PKP4: variants seen among roughly 807,000 people sequenced by gnomAD.
PKP4 encodes the protein plakophilin 4.
A neutral mutation model predicts 145.1 loss-of-function variants in PKP4; 90 were observed. The observed-to-expected ratio is 0.62, with a 90% CI of 0.52 to 0.74. The LOEUF (loss-of-function observed/expected upper bound fraction) is 0.74, where lower values mean the gene tolerates loss of function less well. Among genes scored for constraint, PKP4 ranks in the 30% least tolerant of loss-of-function variants. The pLI is 0.00. For missense variants in PKP4, 1,340 were observed against 1,482.7 expected (o/e 0.90, Z 1.58); for synonymous variants, 563 against 577.2 (o/e 0.98, Z 0.35).
rs2047415120 is a variant in PKP4, at chr2:158,571,605, T to C, written c.133-5666T>C. Among the ~76,000 whole-genome samples the C allele has an allele frequency of 2.0e-5, 3 of 152,036 alleles. No homozygotes were observed. The South Asian group carries it at 6.2e-4, about 32-fold the overall frequency. On this transcript the variant is annotated intron_variant, in intron 2 of 21. Coordinates refer to ENST00000389759, the MANE Select transcript of PKP4 (RefSeq NM_003628.6). ...TCAATTAAAGCCTGGAAGTGGAGAG[T>C]ATTCTTAGTAACTCAGAGGTGGAGA...
intron 2 of PKP4, among the ~76,000 whole-genome samples, chr2:158,566,393 C>G (rs1293587026): frequency 1.3e-5 from 2 of 151,962 alleles, no homozygotes; most frequent in Non-Finnish European, 2.9e-5. Flanking sequence ...TTTATGCGGA[C>G]TATTATCATA....
intron 3 of PKP4, among the ~76,000 whole-genome samples, chr2:158,590,943 G>A (rs1166524959): frequency 1.3e-5 from 2 of 152,058 alleles, no homozygotes; most frequent in African/African-American, 4.8e-5. Flanking sequence ...CACCTGATAC[G>A]ATGCAATGAG....
At chr2:158,532,361 T>C (rs930951341) in intron 1 of PKP4, among the ~76,000 whole-genome samples, 3 of 152,258 alleles carry the variant, frequency 2.0e-5, no homozygotes, top group Non-Finnish European at 2.9e-5. Flanking sequence ...CCTTCATTCA[T>C]GTATTCATTT....
At chr2:158,494,949 T>C (rs1695467764) in intron 1 of PKP4, among the ~76,000 whole-genome samples, 1 of 152,084 alleles carries the variant, frequency 6.6e-6, no homozygotes, top group Non-Finnish European at 1.5e-5. Flanking sequence ...CCGGGCGCGG[T>C]GGCTCACATC....
chr2:158,585,299 T>G (rs2105803666), intron 3 of PKP4, among the ~76,000 whole-genome samples: 1 of 152,314 alleles, frequency 6.6e-6, no homozygotes, highest in East Asian at 1.9e-4. Flanking sequence ...TAAAATAGAA[T>G]TCTTTCTGAT....
rs200978598 is a variant in PKP4 at position 158,625,310 on chromosome 2, G to A, written c.1036G>A (p.Val346Ile). The change falls in exon 7 of 22, where the codon GTA becomes ATA. Residue 346 changes from valine (V) to isoleucine (I), a missense_variant. Transcript: ENST00000389759. Reference protein sequence around the residue: ...SSPKRSGMTAVPQHLGPSLQR... With the variant: ...SSPKRSGMTAIPQHLGPSLQR... ...CCCCAAACGCTCAGGGATGACCGCC[G>A]TACCACAGCATCTGGGACCTTCACT... 57 of 1,614,168 alleles carry A rather than the reference G, an allele frequency of 3.5e-5. No individual in the cohort carries two copies. The highest frequency in any genetic ancestry group is 1.6e-4 in the Middle Eastern group (1 of 6,062).
chr2:158,546,239 C>A (rs1053101910), intron 2 of PKP4, among the ~76,000 whole-genome samples: 2 of 152,078 alleles, frequency 1.3e-5, no homozygotes, highest in East Asian at 1.9e-4. Context: ...GCCATATGTT[C>A]TTTTCCCAAT....
chr2:158,549,126 C>A, intron 2 of PKP4: 1 of 202,202 alleles, frequency 4.9e-6, no homozygotes, highest in Admixed American at 4.5e-5. Flanking sequence ...TGAGATCCGC[C>A]ATCACTGGGG....
Position 158,625,245 on chromosome 2 carries a change from G to T in PKP4, c.971G>T (p.Arg324Leu), listed in dbSNP as rs148588008. 6 of 1,614,040 alleles carry T rather than the reference G, an allele frequency of 3.7e-6. No individual in the cohort carries two copies. The highest frequency in any genetic ancestry group is 1.7e-5 in the Admixed American group (1 of 60,010). ...CTGACCCTGACGGATGCACAGACTC[G>T]AGTAGCTTCCCCATCCCAAGGCCAG... ...SPLTLTDAQTRVASPSQGQVG... is the reference protein window; with the variant it reads ...SPLTLTDAQTLVASPSQGQVG... The change falls in exon 7 of 22, where the codon CGA becomes CTA. Residue 324 changes from arginine (R) to leucine (L), a missense_variant. Physicochemically the swap from Arg to Leu is moderately radical, Grantham distance 102. Transcript: ENST00000389759.
chr2:158,677,638 G>C (rs1008818405), intron 20 of PKP4, among the ~76,000 whole-genome samples: 1 of 152,124 alleles, frequency 6.6e-6, no homozygotes, highest in Non-Finnish European at 1.5e-5. Flanking sequence ...TACTCCTGCT[G>C]GGGGGGCAGT....
rs1199056373 is a variant in PKP4 at position 158,659,293 on chromosome 2, C to G, written c.2093+979C>G. ...CCTCCTAATTCAGATGCCCACATCT[C>G]AGGGTGGGTCTCATGGCCTAGCAAT... On this transcript the variant is annotated intron_variant, in intron 12 of 21. Coordinates refer to ENST00000389759, the MANE Select transcript of PKP4 (RefSeq NM_003628.6). The G allele has an allele frequency of 2.0e-5, 3 of 152,414 alleles. No homozygotes were observed. In the East Asian group the frequency reaches 5.8e-4, roughly 30 times the overall value. 9.4% of individuals were successfully genotyped at this position (152,414 alleles called of 1,614,324 possible). A position where few individuals can be genotyped will look rare whatever the true frequency, so the allele number is the denominator to read the frequency against.
chr2:158,624,674 CAAAA>C (rs999943180), intron 6 of PKP4, among the ~76,000 whole-genome samples, 200 bp from the exon 7 acceptor site: 2 of 81,222 alleles, frequency 2.5e-5, no homozygotes, highest in Non-Finnish European at 5.7e-5. Context: ...TTTAAACCAC[CAAAA>C]AAAAAAAAAA....
intron 2 of PKP4, among the ~76,000 whole-genome samples, chr2:158,574,902 A>G (rs75718756): frequency 0.028 from 4,237 of 152,336 alleles, 156 homozygotes; most frequent in East Asian, 0.13. Context: ...GTGTAGCTAC[A>G]TCATGCATGT....
At chr2:158,504,685 A>AC (rs1000123843) in intron 1 of PKP4, among the ~76,000 whole-genome samples, 1 of 149,018 alleles carries the variant, frequency 6.7e-6, no homozygotes. Context: ...TAAAAAAAAA[A>AC]CCAACTTTAT....
At chr2:158,584,392 G>A (rs191952201) in intron 3 of PKP4, among the ~76,000 whole-genome samples, 53 of 152,298 alleles carry the variant, frequency 3.5e-4, no homozygotes, top group Admixed American at 2.3e-3. Context: ...AATGGCAAGC[G>A]CATTCTAGTG....
At chr2:158,565,435 C>CTTTTTTTTTTTTTT (rs10690465) in intron 2 of PKP4, among the ~76,000 whole-genome samples, 5 of 135,764 alleles carry the variant, frequency 3.7e-5, no homozygotes, top group African/African-American at 5.5e-5. Context: ...TTCTTTTTTC[C>CTTTTTTTTTTTTTT]TTTTTTTTTT....
Position 158,642,366 on chromosome 2 carries a change from G to A in PKP4, c.1696-120G>A, listed in dbSNP as rs2054370970. The A allele has an allele frequency of 6.8e-6, 5 of 731,660 alleles. No individual in the cohort carries two copies. In the Admixed American group the frequency reaches 1.1e-4, roughly 16 times the overall value. 45.3% of individuals were successfully genotyped at this position (731,660 alleles called of 1,614,324 possible). ...AAAGTTGTCTTATTTGGAATAAAAA[G>A]TAACCTTTGAAATGGTCTAGAGATA... On this transcript the variant is annotated intron_variant, in intron 10 of 21. Coordinates refer to ENST00000389759, the MANE Select transcript of PKP4 (RefSeq NM_003628.6).
chr2:158,648,888 C>T (rs2055073700), intron 11 of PKP4, among the ~76,000 whole-genome samples: 1 of 114,342 alleles, frequency 8.7e-6, no homozygotes, highest in Admixed American at 1.1e-4. Context: ...AATCCAGCTA[C>T]TAGAGAGTCT....
chr2:158,495,886 G>T (rs1021055448), intron 1 of PKP4, among the ~76,000 whole-genome samples: 1 of 149,964 alleles, frequency 6.7e-6, no homozygotes, highest in Admixed American at 6.6e-5. Flanking sequence ...AATAAGAGGG[G>T]TATATATGTA....
Sources: allele counts gnomAD v4.1 joint callset (sites outside exome capture counted in the v4.1 genomes callset), GRCh38; gene constraint gnomAD v4.1.1; transcripts MANE v1.5; gene names NCBI Gene and HGNC (gene_info 2026-07-23, HGNC 2026-07-21).